The following PCDH15 variants were observed in gnomAD, a reference collection of about 807,000 sequenced individuals.
PCDH15 encodes protocadherin-15.
Under a neutral mutation model 178.5 loss-of-function variants are expected in PCDH15, and 129 were observed. That is an observed-to-expected ratio of 0.72 (90% confidence interval 0.63 to 0.84). PCDH15 has a LOEUF of 0.84. Among genes scored for constraint, PCDH15 ranks in the 40% least tolerant of loss-of-function variants. PCDH15 has a pLI of 0.00. For synonymous variants in PCDH15, 800 were observed against 732.0 expected (o/e 1.09, Z -1.50); for missense variants, 2,230 against 2,099.9 (o/e 1.06, Z -1.21).
intron 2 of PCDH15, among the ~76,000 whole-genome samples, chr10:54,972,549 T>TA (rs1564677489): frequency 6.8e-6 from 1 of 146,986 alleles, no homozygotes; most frequent in Non-Finnish European, 1.5e-5. Flanking sequence ...TCAAAAAGAT[T>TA]AAAAAAAGAA....
intron 2 of PCDH15, among the ~76,000 whole-genome samples, chr10:55,374,680 A>C (rs2131993495): frequency 6.6e-6 from 1 of 152,130 alleles, no homozygotes. Context: ...GATTCTATAC[A>C]GTTACTACCC....
intron 2 of PCDH15, among the ~76,000 whole-genome samples, chr10:54,968,216 C>G (rs1467283455): frequency 1.3e-5 from 2 of 152,016 alleles, no homozygotes; most frequent in African/African-American, 4.8e-5. Flanking sequence ...TTATTTCCAC[C>G]AGCATCCCAC....
intron 2 of PCDH15, among the ~76,000 whole-genome samples, chr10:54,654,652 G>T (rs1345560240): frequency 6.6e-6 from 1 of 152,138 alleles, no homozygotes; most frequent in African/African-American, 2.4e-5. Flanking sequence ...ACTCTATTAT[G>T]AATTGTATAA....
intron 2 of PCDH15, among the ~76,000 whole-genome samples, chr10:55,530,223 T>C (rs993742801): frequency 5.3e-5 from 8 of 151,968 alleles, no homozygotes; most frequent in Non-Finnish European, 4.4e-5. Flanking sequence ...TGGCATGTGC[T>C]GGGAATTCAG....
chr10:54,374,733 A>G (rs374160058), intron 4 of PCDH15, among the ~76,000 whole-genome samples: 1 of 152,074 alleles, frequency 6.6e-6, no homozygotes, highest in Non-Finnish European at 1.5e-5. Flanking sequence ...AAAATAAATG[A>G]TGACCATAAG....
intron 2 of PCDH15, among the ~76,000 whole-genome samples, chr10:54,632,751 G>A (rs1436184252): frequency 1.3e-5 from 2 of 151,968 alleles, no homozygotes; most frequent in Non-Finnish European, 2.9e-5. Context: ...TGGATCAAAA[G>A]GTGAACACAC....
chr10:55,242,839 C>T (rs964190875), intron 1 of PCDH15, among the ~76,000 whole-genome samples: 2 of 151,686 alleles, frequency 1.3e-5, no homozygotes, highest in Non-Finnish European at 2.9e-5. Context: ...AACTCTGTCT[C>T]AAAACAAAAC....
At chr10:54,247,503 T>G (rs997901820) in intron 8 of PCDH15, among the ~76,000 whole-genome samples, 5 of 139,848 alleles carry the variant, frequency 3.6e-5, no homozygotes, top group Non-Finnish European at 6.0e-5. Flanking sequence ...AATAATGATG[T>G]TTTTTGAGAA....
intron 18 of PCDH15, among the ~76,000 whole-genome samples, chr10:54,062,684 G>C (rs1374269225): frequency 6.6e-6 from 1 of 151,568 alleles, no homozygotes; most frequent in Non-Finnish European, 1.5e-5. Flanking sequence ...ATAAATTATA[G>C]AGGCCATTTC....
At chr10:55,130,316 G>A (rs1591925964) in intron 2 of PCDH15, among the ~76,000 whole-genome samples, 2 of 152,150 alleles carry the variant, frequency 1.3e-5, no homozygotes, top group African/African-American at 2.4e-5. Flanking sequence ...GGGAGGAAGA[G>A]TCAAGGCCTA....
chr10:54,652,939 C>A (rs753078104), intron 2 of PCDH15, among the ~76,000 whole-genome samples: 7 of 152,086 alleles, frequency 4.6e-5, no homozygotes, highest in Middle Eastern at 3.2e-3. Context: ...TCTCTGCCAC[C>A]TCCTAACAAA....
chr10:55,138,537 C>T (rs1668457886), intron 2 of PCDH15, among the ~76,000 whole-genome samples: 1 of 152,056 alleles, frequency 6.6e-6, no homozygotes, highest in African/African-American at 2.4e-5. Context: ...CTTGCCCTGC[C>T]AGTTCAGCAT....
chr10:55,063,300 A>T (rs1386658514), intron 2 of PCDH15, among the ~76,000 whole-genome samples: 1 of 152,176 alleles, frequency 6.6e-6, no homozygotes, highest in Non-Finnish European at 1.5e-5. Context: ...TTTTTCTAGC[A>T]GTGTCATATA....
intron 2 of PCDH15, among the ~76,000 whole-genome samples, chr10:55,120,484 G>A (rs1837738736): frequency 6.6e-6 from 1 of 151,948 alleles, no homozygotes; most frequent in Non-Finnish European, 1.5e-5. Flanking sequence ...AAAAATAGAA[G>A]CCCCAGGACT....
At chr10:54,971,412 A>T (rs567537976) in intron 2 of PCDH15, among the ~76,000 whole-genome samples, 84 of 152,246 alleles carry the variant, frequency 5.5e-4, no homozygotes, top group Non-Finnish European at 8.2e-4. Flanking sequence ...TTGAAAGTAC[A>T]GCCTGGGCCC....
intron 18 of PCDH15, among the ~76,000 whole-genome samples, chr10:54,037,772 A>G (rs2093450328): frequency 6.6e-6 from 1 of 152,008 alleles, no homozygotes; most frequent in Admixed American, 6.6e-5. Context: ...TCTACCAAGA[A>G]TCTTTGCAGA....
At chr10:55,308,933 C>A (rs1030884333) in intron 1 of PCDH15, among the ~76,000 whole-genome samples, 2 of 152,140 alleles carry the variant, frequency 1.3e-5, no homozygotes, top group African/African-American at 4.8e-5. Flanking sequence ...ATATTTACTC[C>A]TTTTTAATCT....
At chr10:53,973,959 T>A (rs901343420) in intron 21 of PCDH15, among the ~76,000 whole-genome samples, 4 of 152,130 alleles carry the variant, frequency 2.6e-5, no homozygotes, top group Non-Finnish European at 5.9e-5. Context: ...GCTGAAAACG[T>A]TGCCAACATA....
intron 2 of PCDH15, among the ~76,000 whole-genome samples, chr10:55,121,605 T>C (rs1457282132): frequency 6.6e-6 from 1 of 152,092 alleles, no homozygotes; most frequent in East Asian, 1.9e-4. Flanking sequence ...TAAACCCCAA[T>C]GTGATAGTAT....
Sources: gnomAD v4.1 joint callset for allele counts (sites outside exome capture counted in the v4.1 genomes callset) on GRCh38, gnomAD v4.1.1 for gene constraint, MANE v1.5 for transcripts, NCBI Gene and HGNC (gene_info 2026-07-23, HGNC 2026-07-21) for gene names.